The following ADGRB3 variants were observed in gnomAD, a reference collection of about 807,000 sequenced individuals.
ADGRB3 encodes adhesion G protein-coupled receptor B3.
In ADGRB3, 37 loss-of-function variants were observed where a neutral mutation model predicts 193.4. The observed-to-expected ratio is 0.19, with a 90% CI of 0.15 to 0.25. ADGRB3 has a LOEUF of 0.25. Among genes scored for constraint, ADGRB3 ranks in the 10% least tolerant of loss-of-function variants. The pLI, the probability that ADGRB3 is intolerant of heterozygous loss-of-function variation, is 1.00. For synonymous variants in ADGRB3, 690 were observed against 644.2 expected (o/e 1.07, Z -1.08); for missense variants, 1,637 against 1,852.9 (o/e 0.88, Z 2.14).
intron 3 of ADGRB3, among the ~76,000 whole-genome samples, chr6:68,816,273 A>G (rs1325420982): frequency 6.6e-6 from 1 of 152,084 alleles, no homozygotes; most frequent in African/African-American, 2.4e-5. Context: ...GCTTATTGGA[A>G]TAAAAATTAT....
At chr6:68,851,169 A>G (rs959275878) in intron 3 of ADGRB3, among the ~76,000 whole-genome samples, 3 of 151,932 alleles carry the variant, frequency 2.0e-5, no homozygotes, top group Admixed American at 1.3e-4. Flanking sequence ...ACCTGATACC[A>G]GTTAATTTTT....
At chr6:68,649,503 T>A (rs1768295376) in intron 3 of ADGRB3, among the ~76,000 whole-genome samples, 1 of 152,174 alleles carries the variant, frequency 6.6e-6, no homozygotes, top group Admixed American at 6.5e-5. Context: ...AAAGCTTTCA[T>A]TCATTAGATT....
At chr6:68,883,674 C>G (rs944467286) in intron 3 of ADGRB3, among the ~76,000 whole-genome samples, 1 of 152,084 alleles carries the variant, frequency 6.6e-6, no homozygotes, top group African/African-American at 2.4e-5. Context: ...ACCTTCACTC[C>G]TGAAGCCAGC....
chr6:68,895,185 T>C (rs535126634), intron 3 of ADGRB3, among the ~76,000 whole-genome samples: 2 of 151,646 alleles, frequency 1.3e-5, no homozygotes, highest in South Asian at 2.1e-4. Context: ...TTCAATATTG[T>C]ACTGGTTTCA....
At chr6:69,049,458 C>A in intron 15 of ADGRB3, 112 bp downstream of exon 15, 1 of 716,390 alleles carries the variant, frequency 1.4e-6, no homozygotes, top group Non-Finnish European at 2.2e-6. Context: ...AGGGATTTTT[C>A]TTAAATGAAA....
At chr6:69,303,152 C>G (rs959030145) in intron 20 of ADGRB3, among the ~76,000 whole-genome samples, 1 of 151,878 alleles carries the variant, frequency 6.6e-6, no homozygotes, top group Admixed American at 6.6e-5. Context: ...CAAAACTTGG[C>G]AGAAAGTTTC....
intron 17 of ADGRB3, among the ~76,000 whole-genome samples, chr6:69,096,572 A>C (rs1772884156): frequency 6.6e-6 from 1 of 152,142 alleles, no homozygotes; most frequent in African/African-American, 2.4e-5. Flanking sequence ...TTACCTGGTT[A>C]ACTTAAAAGT....
At chr6:68,742,431 G>A (rs984950215) in intron 3 of ADGRB3, among the ~76,000 whole-genome samples, 1 of 151,846 alleles carries the variant, frequency 6.6e-6, no homozygotes, top group African/African-American at 2.4e-5. Context: ...AAAAATAAAA[G>A]CACTATCTAT....
At chr6:68,785,567 T>C (rs964036792) in intron 3 of ADGRB3, among the ~76,000 whole-genome samples, 1 of 152,124 alleles carries the variant, frequency 6.6e-6, no homozygotes, top group East Asian at 1.9e-4. Flanking sequence ...TGTTGGACAT[T>C]TGAGTTGGTT....
intron 3 of ADGRB3, among the ~76,000 whole-genome samples, chr6:68,893,339 C>A (rs1335842988): frequency 6.6e-6 from 1 of 151,816 alleles, no homozygotes; most frequent in African/African-American, 2.4e-5. Context: ...TTGTATTTCA[C>A]TAGGAATGAA....
intron 3 of ADGRB3, among the ~76,000 whole-genome samples, chr6:68,790,455 C>G (rs535006552): frequency 6.6e-6 from 1 of 152,196 alleles, no homozygotes; most frequent in Non-Finnish European, 1.5e-5. Flanking sequence ...TCTCCCAGCA[C>G]GCAGCTTGAG....
chr6:68,920,512 C>CAA lies in ADGRB3; in HGVS notation c.758-10023_758-10022dup, dbSNP rs5877180. 2.9e-4 allele frequency among the ~76,000 whole-genome samples: 20 copies of CAA among 68,874 alleles called. 1 individual carries two copies. Among genetic ancestry groups the CAA allele is most frequent in the East Asian group, 9.8e-4 (2 of 2,042 alleles). 45.2% of individuals were successfully genotyped at this position (68,874 alleles called of 152,430 possible). A position where few individuals can be genotyped will look rare whatever the true frequency, so the allele number is the denominator to read the frequency against. On this transcript the variant is annotated intron_variant, in intron 3 of 31. Transcript: ENST00000370598. ...AGCCTCGGCGACAGAGACTCTGTAT[C>CAA]AAAAAAAAAAAAAAAAAAAAAAAAA...
At chr6:69,024,590 G>T (rs1201847618) in intron 13 of ADGRB3, among the ~76,000 whole-genome samples, 2 of 152,126 alleles carry the variant, frequency 1.3e-5, no homozygotes, top group Non-Finnish European at 2.9e-5. Flanking sequence ...GGCTAAATAA[G>T]ATCTTCAAAT....
intron 26 of ADGRB3, among the ~76,000 whole-genome samples, chr6:69,341,243 G>A (rs1321972563): frequency 6.6e-6 from 1 of 152,132 alleles, no homozygotes; most frequent in African/African-American, 2.4e-5. Context: ...CAGTGTAAAA[G>A]CCTTTTTATT....
chr6:69,192,564 A>G (rs1352428159), intron 17 of ADGRB3, among the ~76,000 whole-genome samples: 2 of 152,154 alleles, frequency 1.3e-5, no homozygotes, highest in Non-Finnish European at 2.9e-5. Flanking sequence ...CACATTTTGT[A>G]TATGAGCTTT....
chr6:69,256,038 C>A lies in ADGRB3; in HGVS notation c.2814+16812C>A, dbSNP rs1465007243. On this transcript the variant is annotated intron_variant, in intron 20 of 31. Transcript: ENST00000370598. ...AGATATGCGGCATTATTTCTGAGGG[C>A]TCTGTTCTGTTCCATTGATCTATAT... Among the ~76,000 whole-genome samples the A allele has an allele frequency of 3.3e-5, 5 of 151,958 alleles. No homozygotes were observed. In the East Asian group the frequency reaches 7.7e-4, roughly 23 times the overall value.
In ADGRB3 at chr6:68,796,058, A is replaced by AG. The variant is rs1767201217; in HGVS notation, c.758-134500dup. Among the ~76,000 whole-genome samples, 3 of 152,294 alleles carry AG rather than the reference A, an allele frequency of 2.0e-5. No homozygotes were observed. In the South Asian group the frequency reaches 6.2e-4, roughly 32 times the overall value. On this transcript the variant is annotated intron_variant, in intron 3 of 31. Transcript: ENST00000370598. ...ATCATTGATGTGAAAGAACAAAAAA[A>AG]GCTTTAGAACCAAGTATATTTTAGT...
chr6:69,204,431 T>C (rs1205278356), intron 17 of ADGRB3, among the ~76,000 whole-genome samples: 1 of 152,184 alleles, frequency 6.6e-6, no homozygotes, highest in East Asian at 1.9e-4. Flanking sequence ...CAGTTGTTTC[T>C]TGCTTTTGAG....
chr6:69,201,720 C>A (rs540668711), intron 17 of ADGRB3, among the ~76,000 whole-genome samples: 1 of 152,058 alleles, frequency 6.6e-6, no homozygotes, highest in Admixed American at 6.6e-5. Context: ...TTAGGTCTAT[C>A]CTAAATTTTG....
Sources: gnomAD v4.1 joint callset for allele counts (sites outside exome capture counted in the v4.1 genomes callset) on GRCh38, gnomAD v4.1.1 for gene constraint, MANE v1.5 for transcripts, NCBI Gene and HGNC (gene_info 2026-07-23, HGNC 2026-07-21) for gene names.